Variants in TRHDE observed in about 807,000 individuals in gnomAD.
TRHDE encodes the protein thyrotropin releasing hormone degrading enzyme.
In TRHDE, 72 loss-of-function variants were observed where a neutral mutation model predicts 125.7. The ratio of observed to expected loss-of-function variants is 0.57; its 90% CI spans 0.47 to 0.70. The LOEUF is 0.70. Among genes scored for constraint, TRHDE ranks in the 30% least tolerant of loss-of-function variants. The pLI, the probability that TRHDE is intolerant of heterozygous loss-of-function variation, is 0.00. For synonymous variants in TRHDE, 509 were observed against 509.1 expected, an observed-to-expected ratio of 1.00 and a Z score of 0.00; for missense variants, 1,110 against 1,327.1, an observed-to-expected ratio of 0.84 and a Z score of 2.54.
chr12:72,657,671 T>C (rs1874759479), intron 18 of TRHDE, among the ~76,000 whole-genome samples: 1 of 152,172 alleles, frequency 6.6e-6, no homozygotes, highest in South Asian at 2.1e-4. Flanking sequence ...TGTTTCTGGT[T>C]TATTACTCTG....
chr12:72,607,062 A>T (rs950080698), intron 12 of TRHDE, among the ~76,000 whole-genome samples: 4 of 152,156 alleles, frequency 2.6e-5, no homozygotes, highest in African/African-American at 9.7e-5. Context: ...CTCAGTGAGT[A>T]GTTAATATCT....
Position 72,636,513 on chromosome 12 carries a change from TGC to T in TRHDE, c.2675+14763_2675+14764del, listed in dbSNP as rs1303017236. Among the ~76,000 whole-genome samples the T allele has an allele frequency of 2.0e-5, 3 of 151,442 alleles. No homozygotes were observed. The East Asian group carries it at 5.9e-4, about 30-fold the overall frequency. On this transcript the variant is annotated intron_variant, in intron 15 of 18. Coordinates refer to ENST00000261180, the MANE Select transcript of TRHDE (RefSeq NM_013381.3). ...CCTTTATTTCCTTCTCCTGCCTAAT[TGC>T]CCTGGCCAGAACTTCCAACACTATG...
chr12:72,203,389 G>A (rs1195565656), intron 2 of TRHDE, among the ~76,000 whole-genome samples: 2 of 152,148 alleles, frequency 1.3e-5, no homozygotes, highest in African/African-American at 2.4e-5. Context: ...AATGGCGTGA[G>A]CCCAGGAGGC....
At chr12:72,640,880 C>T (rs186192233) in intron 15 of TRHDE, among the ~76,000 whole-genome samples, 64 of 152,306 alleles carry the variant, frequency 4.2e-4, no homozygotes, top group Admixed American at 1.3e-3. Context: ...ATCAATGGCA[C>T]GTATACTACC....
At chr12:72,103,449 G>T (rs1875113028) in intron 1 of TRHDE, among the ~76,000 whole-genome samples, 1 of 152,182 alleles carries the variant, frequency 6.6e-6, no homozygotes, top group African/African-American at 2.4e-5. Flanking sequence ...AGGGAGCTAG[G>T]TATCAATAGC....
intron 3 of TRHDE, among the ~76,000 whole-genome samples, chr12:72,438,605 A>AT (rs1874856357): frequency 1.3e-5 from 2 of 151,766 alleles, no homozygotes; most frequent in East Asian, 1.9e-4. Flanking sequence ...CTTTCATCAG[A>AT]TTTTTTTGTG....
intron 2 of TRHDE, among the ~76,000 whole-genome samples, chr12:72,173,787 G>GCACACA (rs138063355): frequency 6.6e-6 from 1 of 151,048 alleles, no homozygotes; most frequent in African/African-American, 2.4e-5. Flanking sequence ...CTCTGCGCGC[G>GCACACA]CACACACACA....
At chr12:72,613,776 G>A (rs958371616) in intron 12 of TRHDE, among the ~76,000 whole-genome samples, 6 of 152,158 alleles carry the variant, frequency 3.9e-5, no homozygotes, top group African/African-American at 1.4e-4. Flanking sequence ...GCAGAAGGAG[G>A]AGGGGCTGTC....
At chr12:72,203,359 T>G (rs1332883434) in intron 2 of TRHDE, among the ~76,000 whole-genome samples, 1 of 152,038 alleles carries the variant, frequency 6.6e-6, no homozygotes, top group Non-Finnish European at 1.5e-5. Context: ...TCCCAGCTAC[T>G]CGGTTGGCTG....
At chr12:72,293,418 T>C (rs573057250) in intron 2 of TRHDE, among the ~76,000 whole-genome samples, 2 of 152,258 alleles carry the variant, frequency 1.3e-5, no homozygotes, top group African/African-American at 4.8e-5. Context: ...GGAACCCAGA[T>C]TACAGATGGA....
chr12:72,583,923 C>CTTTTTTTTTTTTTTTT lies in TRHDE; in HGVS notation c.2321+8393_2321+8408dup, dbSNP rs1190363456. ...GCTTGTGGCTCTAAAGGATGACAAA[C>CTTTTTTTTTTTTTTTT]TTTTTTTTTTTTTTTTTTTTTTTTT... On this transcript the variant is annotated intron_variant, in intron 12 of 18. Coordinates refer to ENST00000261180, the MANE Select transcript of TRHDE (RefSeq NM_013381.3). 3.3e-5 allele frequency among the ~76,000 whole-genome samples: 2 copies of CTTTTTTTTTTTTTTTT among 60,486 alleles called. 1 individual carries two copies. The highest frequency in any genetic ancestry group is 2.5e-4 in the African/African-American group (2 of 7,970). The allele number at this position is 60,486 out of a possible 152,430, so 39.7% of individuals were successfully genotyped here. A position where few individuals can be genotyped will look rare whatever the true frequency, so the allele number is the denominator to read the frequency against.
chr12:72,535,626 C>T (rs995935552), intron 6 of TRHDE, among the ~76,000 whole-genome samples: 1 of 151,174 alleles, frequency 6.6e-6, no homozygotes. Flanking sequence ...AAGGGATATT[C>T]AGGATTAGGT....
Position 72,669,833 on chromosome 12 carries a change from CAT to C in TRHDE, c.*6642_*6643del, listed in dbSNP as rs1173054696. Reference sequence around the variant, plus strand: ...TTTGAATGCTACCTATATATTGCCACATATAAAGATATTTTTCATTTTTCATT... The same window carrying C: ...TTTGAATGCTACCTATATATTGCCACATAAAGATATTTTTCATTTTTCATT... On this transcript the variant is annotated 3_prime_UTR_variant, in exon 19 of 19. Coordinates refer to ENST00000261180, the MANE Select transcript of TRHDE (RefSeq NM_013381.3). The C allele has an allele frequency of 4.0e-5, 6 of 151,230 alleles. No individual in the cohort carries two copies. The highest frequency in any genetic ancestry group is 1.5e-4 in the African/African-American group (6 of 41,322). 9.4% of individuals were successfully genotyped at this position (151,230 alleles called of 1,614,324 possible). A position where few individuals can be genotyped will look rare whatever the true frequency, so the allele number is the denominator to read the frequency against.
intron 6 of TRHDE, among the ~76,000 whole-genome samples, chr12:72,509,603 A>C (rs1878501419): frequency 6.6e-6 from 1 of 152,098 alleles, no homozygotes; most frequent in African/African-American, 2.4e-5. Context: ...TCACCTTCTC[A>C]AGAAGACCTC....
intron 3 of TRHDE, among the ~76,000 whole-genome samples, chr12:72,445,245 T>A (rs898937220): frequency 1.3e-5 from 2 of 151,876 alleles, no homozygotes; most frequent in African/African-American, 2.4e-5. Context: ...AACTGTGGAA[T>A]TGAGGTTGTT....
At chr12:72,423,232 G>T (rs79276606) in intron 3 of TRHDE, among the ~76,000 whole-genome samples, 2,797 of 152,162 alleles carry the variant, frequency 0.018, 92 homozygotes, top group African/African-American at 0.064. Flanking sequence ...TTAATAACTA[G>T]GCTAAGCTAT....
intron 6 of TRHDE, among the ~76,000 whole-genome samples, chr12:72,521,527 C>T (rs1371969472): frequency 6.6e-6 from 1 of 152,136 alleles, no homozygotes; most frequent in African/African-American, 2.4e-5. Flanking sequence ...CAACTTGTGT[C>T]GTTTAGTTGT....
At chr12:72,591,632 G>GTTT (rs71071842) in intron 12 of TRHDE, among the ~76,000 whole-genome samples, 16 of 125,446 alleles carry the variant, frequency 1.3e-4, no homozygotes, top group Middle Eastern at 4.3e-3. Flanking sequence ...AAGGATATGG[G>GTTT]TTTTTTTTTT....
intron 2 of TRHDE, among the ~76,000 whole-genome samples, chr12:72,340,302 T>A (rs1469687241): frequency 6.6e-6 from 1 of 152,178 alleles, no homozygotes; most frequent in Non-Finnish European, 1.5e-5. Context: ...CTTGATATAT[T>A]TGGGCAACCC....
Sources: allele counts gnomAD v4.1 joint callset (sites outside exome capture counted in the v4.1 genomes callset), GRCh38; gene constraint gnomAD v4.1.1; transcripts MANE v1.5; gene names NCBI Gene and HGNC (gene_info 2026-07-23, HGNC 2026-07-21).